The following ARB2A variants were observed in gnomAD, a reference collection of about 807,000 sequenced individuals.
ARB2A encodes the protein cotranscriptional regulator ARB2A.
At chr5:93,866,042 A>G in the ARB2A span, 1 of 983,444 alleles carries the variant, frequency 1.0e-6, no homozygotes, top group Non-Finnish European at 1.2e-6. Flanking sequence ...TAAATAATCT[A>G]TAATATGCTA....
chr5:93,886,234 G>C, the ARB2A span, among the ~76,000 whole-genome samples: 235 of 151,750 alleles, frequency 1.5e-3, 1 homozygote, highest in African/African-American at 5.5e-3. Context: ...TAAAAAATCA[G>C]CTGAAAGTAC....
chr5:93,920,151 C>T, the ARB2A span, among the ~76,000 whole-genome samples: 4 of 152,198 alleles, frequency 2.6e-5, no homozygotes, highest in Admixed American at 6.5e-5. Context: ...TATACTATAG[C>T]TTTAGGGCTC....
the ARB2A span, among the ~76,000 whole-genome samples, chr5:93,716,213 G>T: frequency 2.6e-5 from 4 of 152,132 alleles, no homozygotes; most frequent in Non-Finnish European, 5.9e-5. Flanking sequence ...TATTAGCCAC[G>T]TATAAATCTT....
At chr5:93,923,838 C>G in the ARB2A span, among the ~76,000 whole-genome samples, 1 of 152,044 alleles carries the variant, frequency 6.6e-6, no homozygotes, top group Non-Finnish European at 1.5e-5. Flanking sequence ...AAAGAATACT[C>G]TACTGGAATG....
At chr5:93,962,171 C>G in the ARB2A span, among the ~76,000 whole-genome samples, 1 of 152,160 alleles carries the variant, frequency 6.6e-6, no homozygotes, top group African/African-American at 2.4e-5. Context: ...AACCACCTCA[C>G]TTTATTACAA....
the ARB2A span, among the ~76,000 whole-genome samples, chr5:94,078,864 G>A: frequency 1.3e-5 from 2 of 151,876 alleles, no homozygotes; most frequent in African/African-American, 4.8e-5. Context: ...ATGAAAATAA[G>A]AGCAGTTACC....
the ARB2A span, among the ~76,000 whole-genome samples, chr5:93,931,032 G>A: frequency 6.6e-6 from 1 of 152,168 alleles, no homozygotes; most frequent in Non-Finnish European, 1.5e-5. Context: ...TCCCCTCCCT[G>A]TGTCCATGTG....
chr5:93,754,191 C>G, the ARB2A span, among the ~76,000 whole-genome samples: 1 of 152,212 alleles, frequency 6.6e-6, no homozygotes, highest in Non-Finnish European at 1.5e-5. Flanking sequence ...AACCTCTCTT[C>G]TAGTCTTCCC....
chr5:93,713,592 T>G, the ARB2A span, among the ~76,000 whole-genome samples: 1 of 152,188 alleles, frequency 6.6e-6, no homozygotes, highest in African/African-American at 2.4e-5. Context: ...GACACCCTTG[T>G]ACATTGTTGG....
chr5:93,683,784 A>G, the ARB2A span: 7 of 1,368,696 alleles, frequency 5.1e-6, no homozygotes, highest in South Asian at 1.2e-5. Context: ...GCTGCAGAGA[A>G]CAGCCGCGCA....
the ARB2A span, among the ~76,000 whole-genome samples, chr5:93,815,705 T>C: frequency 2.0e-5 from 3 of 152,194 alleles, no homozygotes; most frequent in Non-Finnish European, 2.9e-5. Flanking sequence ...TGTTTATTTT[T>C]TCTCCTTCAT....
At chr5:94,073,291 C>T in the ARB2A span, among the ~76,000 whole-genome samples, 1 of 152,068 alleles carries the variant, frequency 6.6e-6, no homozygotes, top group Non-Finnish European at 1.5e-5. Context: ...CCCTTACACC[C>T]CCATTTGTAC....
At chr5:94,067,678 GAC>G in the ARB2A span, among the ~76,000 whole-genome samples, 2 of 152,040 alleles carry the variant, frequency 1.3e-5, no homozygotes, top group Non-Finnish European at 2.9e-5. Context: ...AATTGAAGAG[GAC>G]ACAGACAAAT....
chr5:94,066,583 T>C, the ARB2A span, among the ~76,000 whole-genome samples: 1 of 152,140 alleles, frequency 6.6e-6, no homozygotes, highest in East Asian at 1.9e-4. Flanking sequence ...CTGGAAAACC[T>C]ACAGGAAGTG....
the ARB2A span, among the ~76,000 whole-genome samples, chr5:93,979,067 G>T: frequency 6.6e-6 from 1 of 152,178 alleles, no homozygotes; most frequent in African/African-American, 2.4e-5. Flanking sequence ...CACATACCCT[G>T]TCTTCATCAT....
At chr5:93,932,093 A>G in the ARB2A span, among the ~76,000 whole-genome samples, 2 of 152,186 alleles carry the variant, frequency 1.3e-5, no homozygotes, top group Admixed American at 1.3e-4. Context: ...TTACCATTTT[A>G]CCATTGGTGG....
the ARB2A span, among the ~76,000 whole-genome samples, chr5:93,795,141 G>A: frequency 1.3e-5 from 2 of 152,194 alleles, no homozygotes; most frequent in Admixed American, 6.5e-5. Context: ...GCTATGGGGG[G>A]TGGGGCTGTG....
the ARB2A span, among the ~76,000 whole-genome samples, chr5:94,016,834 G>A: frequency 1.3e-5 from 2 of 152,180 alleles, no homozygotes; most frequent in Admixed American, 6.5e-5. Flanking sequence ...GGTAGGGATT[G>A]GGGGTTGGGA....
the ARB2A span, among the ~76,000 whole-genome samples, chr5:94,017,345 C>G: frequency 6.6e-6 from 1 of 152,158 alleles, no homozygotes; most frequent in Non-Finnish European, 1.5e-5. Flanking sequence ...TTCCTTAATA[C>G]AGGAGCCCAA....
Sources: allele counts gnomAD v4.1 joint callset (sites outside exome capture counted in the v4.1 genomes callset), GRCh38; gene constraint gnomAD v4.1.1; transcripts MANE v1.5; gene names NCBI Gene and HGNC (gene_info 2026-07-23, HGNC 2026-07-21).